Variants in SUZ12 observed in about 807,000 individuals in gnomAD.
SUZ12 encodes SUZ12 polycomb repressive complex 2 subunit.
Under a neutral mutation model 87.3 loss-of-function variants are expected in SUZ12, and 17 were observed. The ratio of observed to expected loss-of-function variants is 0.19; its 90% CI spans 0.13 to 0.29. The LOEUF (loss-of-function observed/expected upper bound fraction) is 0.29, where lower values mean the gene tolerates loss of function less well. Among genes scored for constraint, SUZ12 ranks in the 10% least tolerant of loss-of-function variants. The pLI, the probability that SUZ12 is intolerant of heterozygous loss-of-function variation, is 1.00. For synonymous variants in SUZ12, 253 were observed against 312.4 expected (o/e 0.81, Z 2.01); for missense variants, 526 against 912.2 (o/e 0.58, Z 5.45).
chr17:31,944,168 G>T (rs1384358696), intron 3 of SUZ12, among the ~76,000 whole-genome samples: 3 of 151,544 alleles, frequency 2.0e-5, no homozygotes, highest in Admixed American at 1.3e-4. Flanking sequence ...CGCTCTTGTT[G>T]CCCAGGCTGG....
At position 31,988,300 on chromosome 17, in the gene SUZ12, G is replaced by A. The variant is rs372243164; in HGVS notation, c.1024-20G>A. ...TTCATTATCTGAGTCTCCAGTCTTT[G>A]CATGTTTTTTATTTTTTAGAGGCTG... On this transcript the variant is annotated intron_variant, in intron 9 of 15. Coordinates refer to ENST00000322652, the MANE Select transcript of SUZ12 (RefSeq NM_015355.4). 6.6e-7 allele frequency: 1 copy of A among 1,519,474 alleles called. No individual in the cohort carries two copies. The highest frequency in any genetic ancestry group is 8.8e-7 in the Non-Finnish European group (1 of 1,137,674). The allele number at this position is 1,519,474 out of a possible 1,614,324, so 94.1% of individuals were successfully genotyped here.
intron 1 of SUZ12, among the ~76,000 whole-genome samples, chr17:31,938,919 G>C (rs951223181): frequency 1.3e-5 from 2 of 152,106 alleles, no homozygotes; most frequent in African/African-American, 4.8e-5. Flanking sequence ...TTGTTTACTG[G>C]AAAGTTTAAA....
At position 31,998,770 on chromosome 17, in the gene SUZ12, A is replaced by G; in HGVS notation, c.1987A>G (p.Met663Val). ...AAACTTCATGCTTCATCTAGTCAGC[A>G]TGCATGACTTTAATCTTATTAGCAT... ...CRNFMLHLVS[M>V]HDFNLISIMS... Residue 663 changes from methionine to valine, a missense_variant, in exon 16 of 16, where the codon ATG becomes GTG. Physicochemically the swap from Met to Val is conservative, Grantham distance 21 (BLOSUM62 1). Coordinates refer to ENST00000322652, the MANE Select transcript of SUZ12 (RefSeq NM_015355.4). 6.2e-7 allele frequency: 1 copy of G among 1,612,482 alleles called. No individual in the cohort carries two copies. The highest frequency in any genetic ancestry group is 8.5e-7 in the Non-Finnish European group (1 of 1,178,974).
At chr17:31,980,429 C>CCTTT (rs1909029642) in intron 8 of SUZ12, among the ~76,000 whole-genome samples, 1 of 53,814 alleles carries the variant, frequency 1.9e-5, no homozygotes. Context: ...TCACCTTCTC[C>CCTTT]TTTTTTTTTT....
intron 6 of SUZ12, among the ~76,000 whole-genome samples, chr17:31,973,736 G>A (rs1908574624): frequency 6.6e-6 from 1 of 152,020 alleles, no homozygotes; most frequent in African/African-American, 2.4e-5. Flanking sequence ...GATGTTTCCT[G>A]GTCAACCGAT....
At chr17:31,937,855 G>C (rs1024986578) in intron 1 of SUZ12, among the ~76,000 whole-genome samples, 2 of 132,730 alleles carry the variant, frequency 1.5e-5, no homozygotes, top group African/African-American at 2.9e-5. Flanking sequence ...ACTGGTTCTT[G>C]TTTTCTTTCA....
intron 1 of SUZ12, among the ~76,000 whole-genome samples, 153 bp from the exon 2 acceptor site, chr17:31,940,133 A>G (rs970335510): frequency 2.0e-5 from 3 of 151,796 alleles, no homozygotes; most frequent in African/African-American, 7.3e-5. Context: ...CTTACTGTGC[A>G]TACTTTCTTG....
chr17:31,941,684 G>T (rs1172923983), intron 3 of SUZ12, among the ~76,000 whole-genome samples: 2 of 151,660 alleles, frequency 1.3e-5, no homozygotes, highest in African/African-American at 4.8e-5. Flanking sequence ...TTAGTAGCTT[G>T]GACTATAGGC....
chr17:31,960,938 A>G (rs910254134), intron 4 of SUZ12, among the ~76,000 whole-genome samples: 1 of 152,174 alleles, frequency 6.6e-6, no homozygotes, highest in Admixed American at 6.6e-5. Flanking sequence ...AAGTCCGGGC[A>G]TGGTGGCTCA....
chr17:31,972,382 T>C (rs1908490609), intron 5 of SUZ12, among the ~76,000 whole-genome samples: 1 of 129,718 alleles, frequency 7.7e-6, no homozygotes, highest in African/African-American at 3.5e-5. Flanking sequence ...TGTTTGTGTG[T>C]GTATATATAT....
chr17:31,971,151 T>C (rs1477529485), intron 5 of SUZ12, among the ~76,000 whole-genome samples: 1 of 152,156 alleles, frequency 6.6e-6, no homozygotes, highest in African/African-American at 2.4e-5. Context: ...GTAGAGAAAT[T>C]CTGGGGAAAG....
At chr17:31,990,148 G>T (rs9789089) in intron 10 of SUZ12, among the ~76,000 whole-genome samples, 122,320 of 127,080 alleles carry the variant, frequency 0.96, 58,781 homozygotes, top group East Asian at 0.98. Flanking sequence ...TTTTTTTTTG[G>T]ATTTTTAGTA....
intron 14 of SUZ12, 35 bp from the exon 15 acceptor site, chr17:31,996,763 T>C: frequency 1.4e-6 from 2 of 1,400,332 alleles, no homozygotes; most frequent in South Asian, 1.4e-5. Context: ...TCTTAAAATA[T>C]GTGTTTAATA....
chr17:31,967,542 A>G (rs1908169541), intron 5 of SUZ12: 1 of 151,840 alleles, frequency 6.6e-6, no homozygotes. Context: ...CACCAGTGGC[A>G]CTCCAGCCTG....
intron 8 of SUZ12, among the ~76,000 whole-genome samples, chr17:31,981,823 C>T (rs1909127855): frequency 6.6e-6 from 1 of 152,202 alleles, no homozygotes. Context: ...TCAGTTTTCT[C>T]TTCTGGCAGT....
At chr17:31,997,499 C>A (rs1910036522) in intron 15 of SUZ12, among the ~76,000 whole-genome samples, 1 of 152,016 alleles carries the variant, frequency 6.6e-6, no homozygotes, top group Non-Finnish European at 1.5e-5. Context: ...CCTGTCTCCA[C>A]TAAACGTACA....
chr17:31,990,521 G>T (rs550264), intron 10 of SUZ12, among the ~76,000 whole-genome samples: 16,206 of 151,790 alleles, frequency 0.11, 1,043 homozygotes, highest in South Asian at 0.15. Context: ...ACAACCACTA[G>T]GCCTGGCTAA....
At chr17:31,985,442 A>G (rs956390210) in intron 9 of SUZ12, among the ~76,000 whole-genome samples, 34 of 151,414 alleles carry the variant, frequency 2.2e-4, no homozygotes, top group Non-Finnish European at 4.4e-4. Context: ...ATATATATAT[A>G]TATATTTTCC....
At chr17:31,970,927 G>T (rs1231391035) in intron 5 of SUZ12, among the ~76,000 whole-genome samples, 3 of 152,058 alleles carry the variant, frequency 2.0e-5, no homozygotes, top group Non-Finnish European at 4.4e-5. Context: ...TGATGAATTA[G>T]TGATTAAATA....
Sources: gnomAD v4.1 joint callset for allele counts (sites outside exome capture counted in the v4.1 genomes callset) on GRCh38, gnomAD v4.1.1 for gene constraint, MANE v1.5 for transcripts, NCBI Gene and HGNC (gene_info 2026-07-23, HGNC 2026-07-21) for gene names.